The following DLEU7 variants were observed in gnomAD, a reference collection of about 807,000 sequenced individuals.
The protein encoded by DLEU7 is leukemia-associated protein 7.
A neutral mutation model predicts 16.0 loss-of-function variants in DLEU7; 17 were observed. The ratio of observed to expected loss-of-function variants is 1.06; its 90% CI spans 0.73 to 1.59. The LOEUF (loss-of-function observed/expected upper bound fraction) is 1.59, where lower values mean the gene tolerates loss of function less well. DLEU7 is among the 40% of genes most tolerant of loss of function. The probability of loss-of-function intolerance (pLI) is 0.00; values close to 1 mark genes in which losing one functional copy is unlikely to be tolerated. For missense variants in DLEU7, 308 were observed against 314.9 expected (o/e 0.98, Z 0.17); for synonymous variants, 113 against 139.8 (o/e 0.81, Z 1.35).
At chr13:50,763,479 A>T (rs1311927623) in intron 1 of DLEU7, among the ~76,000 whole-genome samples, 3 of 152,192 alleles carry the variant, frequency 2.0e-5, no homozygotes, top group Non-Finnish European at 4.4e-5. Flanking sequence ...ACCATGCTTT[A>T]AGAAGATGAA....
chr13:50,758,081 G>T (rs562288399), intron 1 of DLEU7, among the ~76,000 whole-genome samples: 1 of 125,850 alleles, frequency 7.9e-6, no homozygotes, highest in African/African-American at 3.1e-5. Context: ...TGCCCAGGTT[G>T]GTCTCAAATT....
chr13:50,780,869 C>G (rs1035062525), intron 1 of DLEU7, among the ~76,000 whole-genome samples: 1 of 152,094 alleles, frequency 6.6e-6, no homozygotes, highest in Non-Finnish European at 1.5e-5. Context: ...AGTGTGATAT[C>G]TCGCCTTCCT....
At chr13:50,758,088 A>C (rs1051366654) in intron 1 of DLEU7, among the ~76,000 whole-genome samples, 1 of 138,720 alleles carries the variant, frequency 7.2e-6, no homozygotes. Flanking sequence ...GTTGGTCTCA[A>C]ATTGCTGGCC....
At chr13:50,761,615 G>A (rs1236746633) in intron 1 of DLEU7, among the ~76,000 whole-genome samples, 1 of 152,136 alleles carries the variant, frequency 6.6e-6, no homozygotes, top group Admixed American at 6.5e-5. Flanking sequence ...CACAAGGAAA[G>A]GAGAGATGGA....
downstream of DLEU7, among the ~76,000 whole-genome samples, chr13:50,821,881 G>C (rs9535499): frequency 0.6 from 91,653 of 151,922 alleles, 28,220 homozygotes; most frequent in African/African-American, 0.73. Context: ...GAAAGGCATC[G>C]CCCCAGAATA....
At chr13:50,711,772 C>CCGGGGGGGGGGGGGGGGG, downstream of DLEU7, 27 of 72,940 alleles carry the variant, frequency 3.7e-4, 2 homozygotes, top group Middle Eastern at 7.4e-3. Context: ...GACCCAGTGG[C>CCGGGGGGGGGGGGGGGGG]GGGGGCGGGG....
chr13:50,724,308 T>G (rs1873705346), intron 1 of DLEU7, among the ~76,000 whole-genome samples: 1 of 152,218 alleles, frequency 6.6e-6, no homozygotes, highest in African/African-American at 2.4e-5. Context: ...GTGTTCTATT[T>G]ATTAACTTAT....
At chr13:50,843,772 G>T (rs892962951), upstream of DLEU7, 50 of 1,290,554 alleles carry the variant, frequency 3.9e-5, no homozygotes, top group Non-Finnish European at 4.6e-5. This position sits in a 1 kb window ranked among gnomAD's most constrained non-coding sequence, Gnocchi z 5.7. Flanking sequence ...GTCTCACAGC[G>T]TGTGTGGTCG....
At chr13:50,771,164 A>G (rs920337683) in intron 1 of DLEU7, among the ~76,000 whole-genome samples, 1 of 151,344 alleles carries the variant, frequency 6.6e-6, no homozygotes, top group South Asian at 2.1e-4. Context: ...TCTTTTCTTC[A>G]TTAGTCTTGC....
At chr13:50,733,298 C>T (rs1277843544) in intron 1 of DLEU7, among the ~76,000 whole-genome samples, 1 of 152,116 alleles carries the variant, frequency 6.6e-6, no homozygotes, top group Non-Finnish European at 1.5e-5. Flanking sequence ...GCCTGAGAAC[C>T]AATGTTTTAG....
intron 1 of DLEU7, among the ~76,000 whole-genome samples, chr13:50,758,381 G>C (rs1874824622): frequency 8.5e-6 from 1 of 117,256 alleles, no homozygotes; most frequent in Non-Finnish European, 1.8e-5. Flanking sequence ...TTTCACTCTT[G>C]TATTAGTTAT....
chr13:50,715,272 C>T (rs553082389), intron 1 of DLEU7, among the ~76,000 whole-genome samples: 1 of 152,316 alleles, frequency 6.6e-6, no homozygotes, highest in African/African-American at 2.4e-5. Flanking sequence ...ACCCGATAAT[C>T]CAGGATAATC....
intron 1 of DLEU7, among the ~76,000 whole-genome samples, chr13:50,829,306 A>G (rs1877188157): frequency 6.6e-6 from 1 of 152,210 alleles, no homozygotes; most frequent in South Asian, 2.1e-4. Context: ...GATCCACATC[A>G]AGGAAAATTG....
At position 50,835,158 on chromosome 13, in the gene DLEU7, A is replaced by G. The variant is rs147781190; in HGVS notation, c.459+8030T>C. 3.1e-3 allele frequency among the ~76,000 whole-genome samples: 469 copies of G among 152,300 alleles called. 3 individuals carry two copies. Among genetic ancestry groups the G allele is most frequent in the African/African-American group, 0.01 (436 of 41,562 alleles). ...GTATACCTATGTAACAAACCTGCAC[A>G]TTCTGCACAGAACTTAAAGTATAAT... On this transcript the variant is annotated intron_variant, in intron 1 of 1. Transcript: ENST00000504404.
At position 50,843,488 on chromosome 13, in the gene DLEU7, GC is replaced by G; in HGVS notation, c.158del (p.Arg53ProfsTer38). The G allele has an allele frequency of 7.4e-7, 1 of 1,358,710 alleles. No homozygotes were observed. The highest frequency in any genetic ancestry group is 9.4e-7 in the Non-Finnish European group (1 of 1,063,854). 84.2% of individuals were successfully genotyped at this position (1,358,710 alleles called of 1,614,324 possible). ...PDHVSTAPAR[R>X]SGPPRARPGP... ...CCGGCCGGGCCCGCGGCGGGCCTGA[GC>G]GACGGGCTGGAGCGGTGGACACGTG... is the stretch of plus-strand genomic sequence containing the variant. On this transcript the variant is annotated frameshift_variant, in exon 1 of 2. Transcript: ENST00000504404. LOFTEE classifies it high-confidence loss of function. This position sits in a 1 kb window ranked among gnomAD's most constrained non-coding sequence, Gnocchi z 5.7.
intron 1 of DLEU7, among the ~76,000 whole-genome samples, chr13:50,800,228 T>A (rs752776879): frequency 6.6e-6 from 1 of 152,172 alleles, no homozygotes; most frequent in Non-Finnish European, 1.5e-5. Context: ...AGAGGTGGCA[T>A]CTGGAAGTTA....
intron 1 of DLEU7, among the ~76,000 whole-genome samples, chr13:50,792,969 C>T (rs1037549824): frequency 2.0e-5 from 3 of 151,576 alleles, no homozygotes; most frequent in African/African-American, 7.3e-5. Flanking sequence ...ATGAATTCAT[C>T]ATCCAAGTAC....
intron 1 of DLEU7, chr13:50,715,540 G>A (rs1873417098): frequency 6.6e-6 from 1 of 152,434 alleles, no homozygotes; most frequent in South Asian, 2.1e-4. Context: ...AGGGGATGTT[G>A]CCCTGGAGGA....
chr13:50,840,493 G>A (rs139553920), intron 1 of DLEU7, among the ~76,000 whole-genome samples: 6 of 152,318 alleles, frequency 3.9e-5, no homozygotes, highest in African/African-American at 9.6e-5. Context: ...GAAAGCCCTC[G>A]CTGTTCCCAG....
Sources: allele counts gnomAD v4.1 joint callset (sites outside exome capture counted in the v4.1 genomes callset), GRCh38; gene constraint gnomAD v4.1.1; non-coding constraint Gnocchi (gnomAD v3.1); transcripts MANE v1.5; gene names NCBI Gene and HGNC (gene_info 2026-07-23, HGNC 2026-07-21).